Variants in BCL2L1 observed in about 807,000 individuals in gnomAD.
BCL2L1 encodes bcl-2-like protein 1.
In BCL2L1, 1 loss-of-function variant was observed where a neutral mutation model predicts 18.7. That is an observed-to-expected ratio of 0.05 (90% CI 0.02 to 0.25). The LOEUF (loss-of-function observed/expected upper bound fraction) is 0.25, where lower values mean the gene tolerates loss of function less well. Ranked by LOEUF, BCL2L1 falls within the 10% of genes least tolerant of loss-of-function variation. The pLI is 1.00. For synonymous variants in BCL2L1, 103 were observed against 122.7 expected, an observed-to-expected ratio of 0.84 and a Z score of 1.06; for missense variants, 207 against 304.9, an observed-to-expected ratio of 0.68 and a Z score of 2.39.
chr20:31,680,554 G>A (rs983269956), intron 2 of BCL2L1, among the ~76,000 whole-genome samples: 3 of 152,172 alleles, frequency 2.0e-5, no homozygotes, highest in Admixed American at 1.3e-4. Flanking sequence ...CGTAGCTTTG[G>A]TGAAGCTATT....
chr20:31,681,699 T>C (rs2060865705), intron 2 of BCL2L1, among the ~76,000 whole-genome samples: 2 of 152,224 alleles, frequency 1.3e-5, no homozygotes, highest in Non-Finnish European at 1.5e-5. Flanking sequence ...GAATTAGATG[T>C]GGACTGTGGG....
rs2061648857 is a variant in BCL2L1 at position 31,722,338 on chromosome 20, G to C, written c.-120C>G. ...CAAAGCCAAGATAAGATTCTGAAGG[G>C]AGAGAAAGAGCTTCAGGAAAAAAAA... is the stretch of plus-strand genomic sequence containing the variant. On this transcript the variant is annotated 5_prime_UTR_variant, in exon 2 of 3. Transcript: ENST00000307677. 1 of 720,240 alleles carries C rather than the reference G, an allele frequency of 1.4e-6. No individual in the cohort carries two copies. Among genetic ancestry groups the C allele is most frequent in the Admixed American group, 3.6e-5 (1 of 28,122 alleles). 44.6% of individuals were successfully genotyped at this position (720,240 alleles called of 1,614,324 possible). A position where few individuals can be genotyped will look rare whatever the true frequency, so the allele number is the denominator to read the frequency against.
chr20:31,676,501 T>A (rs1203467904), intron 2 of BCL2L1, among the ~76,000 whole-genome samples: 1 of 152,148 alleles, frequency 6.6e-6, no homozygotes, highest in African/African-American at 2.4e-5. Flanking sequence ...GGGATTCCGA[T>A]GCCTCCCGTC....
chr20:31,667,792 C>A (rs1000962192), intron 2 of BCL2L1, among the ~76,000 whole-genome samples: 1 of 152,138 alleles, frequency 6.6e-6, no homozygotes, highest in African/African-American at 2.4e-5. Context: ...CTTAGAAGGG[C>A]AGCATCATTT....
At chr20:31,684,387 G>A (rs1249811889) in intron 2 of BCL2L1, among the ~76,000 whole-genome samples, 1 of 152,164 alleles carries the variant, frequency 6.6e-6, no homozygotes, top group Admixed American at 6.5e-5. Context: ...GGTCCACAGA[G>A]ACCAGAGAGC....
At chr20:31,703,969 T>G (rs1348134821) in intron 2 of BCL2L1, among the ~76,000 whole-genome samples, 1 of 150,978 alleles carries the variant, frequency 6.6e-6, no homozygotes, top group Non-Finnish European at 1.5e-5. Context: ...GGCTAATTTT[T>G]GTAATTTTAG....
intron 2 of BCL2L1, among the ~76,000 whole-genome samples, chr20:31,697,352 T>C (rs1474811133): frequency 1.3e-5 from 2 of 152,072 alleles, no homozygotes; most frequent in Non-Finnish European, 2.9e-5. Context: ...ACATGAATGT[T>C]GGCTGGAAGG....
intron 2 of BCL2L1, among the ~76,000 whole-genome samples, chr20:31,682,225 C>T (rs1278034367): frequency 3.3e-5 from 5 of 152,198 alleles, no homozygotes; most frequent in African/African-American, 1.2e-4. Context: ...TCCAAATTAA[C>T]AGGAGGTAGG....
chr20:31,711,802 C>T (rs568988777), intron 2 of BCL2L1, among the ~76,000 whole-genome samples: 12 of 152,216 alleles, frequency 7.9e-5, no homozygotes, highest in Non-Finnish European at 1.6e-4. Flanking sequence ...TCTCCTACTT[C>T]ACTGGGAAAT....
intron 2 of BCL2L1, among the ~76,000 whole-genome samples, chr20:31,689,973 G>A (rs756916863): frequency 3.3e-5 from 5 of 152,226 alleles, no homozygotes; most frequent in African/African-American, 9.6e-5. Flanking sequence ...GCTGGAGATC[G>A]CGCTATTGCA....
In BCL2L1 at chr20:31,721,633, A is replaced by C. The variant is rs367712340; in HGVS notation, c.564+22T>G. 16 of 1,566,020 alleles carry C rather than the reference A, an allele frequency of 1.0e-5. No homozygotes were observed. The African/African-American group carries it at 2.1e-4, about 20-fold the overall frequency. On this transcript the variant is annotated intron_variant, in intron 2 of 2. Coordinates refer to ENST00000307677, the MANE Select transcript of BCL2L1 (RefSeq NM_138578.3). ...TGACCAGAGGCCAAAGAAAAGGGAC[A>C]CACAAGGGGCTTGGTTCTTACCCAG...
chr20:31,674,191 G>T (rs536310699), intron 2 of BCL2L1, among the ~76,000 whole-genome samples: 1 of 152,118 alleles, frequency 6.6e-6, no homozygotes, highest in Non-Finnish European at 1.5e-5. Flanking sequence ...CAGAAAACCT[G>T]ACTTCCTTAG....
intron 2 of BCL2L1, among the ~76,000 whole-genome samples, chr20:31,714,062 G>T (rs2061490819): frequency 6.6e-6 from 1 of 152,206 alleles, no homozygotes; most frequent in Non-Finnish European, 1.5e-5. Context: ...GCACTATTGT[G>T]GGCTCAGTGA....
intron 2 of BCL2L1, among the ~76,000 whole-genome samples, chr20:31,691,887 T>C (rs1289353028): frequency 2.6e-5 from 4 of 152,194 alleles, no homozygotes; most frequent in African/African-American, 9.7e-5. Context: ...AAAATTTAAG[T>C]CTGACCATAT....
At chr20:31,691,703 A>G (rs1249628915) in intron 2 of BCL2L1, among the ~76,000 whole-genome samples, 1 of 152,192 alleles carries the variant, frequency 6.6e-6, no homozygotes, top group African/African-American at 2.4e-5. Flanking sequence ...TTAAAAGCCT[A>G]CAAACCCATA....
At chr20:31,667,488 T>TGTGTGTGTGTGTGTGTGC (rs1250614113) in intron 2 of BCL2L1, among the ~76,000 whole-genome samples, 2 of 148,328 alleles carry the variant, frequency 1.3e-5, no homozygotes, top group Non-Finnish European at 3.0e-5. Flanking sequence ...TAGTACCGTG[T>TGTGTGTGTGTGTGTGTGC]GTGTGTGTGT....
chr20:31,709,977 C>T (rs1455706654), intron 2 of BCL2L1, among the ~76,000 whole-genome samples: 3 of 152,104 alleles, frequency 2.0e-5, no homozygotes, highest in South Asian at 2.1e-4. Context: ...TGAGCCACCA[C>T]GCCCAGCCAC....
intron 2 of BCL2L1, among the ~76,000 whole-genome samples, chr20:31,692,436 G>C (rs2061089601): frequency 6.6e-6 from 1 of 152,200 alleles, no homozygotes; most frequent in Non-Finnish European, 1.5e-5. Flanking sequence ...AATGAAAAAA[G>C]GAAACTGCAG....
In BCL2L1 at chr20:31,722,202, C is replaced by A. The variant is rs148274815; in HGVS notation, c.17G>T (p.Arg6Leu). The change falls in exon 2 of 3, where the codon CGG (arginine) becomes CTG (leucine). Residue 6 changes from arginine (R) to leucine (L), a missense_variant. Physicochemically the swap from Arg to Leu is moderately radical, Grantham distance 102. Coordinates refer to ENST00000307677, the MANE Select transcript of BCL2L1 (RefSeq NM_138578.3). Reference protein sequence around the residue: MSQSNRELVVDFLSYK... With the variant: MSQSNLELVVDFLSYK... ...GGAGAGAAAGTCAACCACCAGCTCC[C>A]GGTTGCTCTGAGACATTTTTATAAT... 5 of 1,496,526 alleles carry A rather than the reference C, an allele frequency of 3.3e-6. No individual in the cohort carries two copies. Among genetic ancestry groups the A allele is most frequent in the South Asian group, 1.3e-5 (1 of 74,122 alleles). 92.7% of individuals were successfully genotyped at this position (1,496,526 alleles called of 1,614,324 possible).
Sources: allele counts gnomAD v4.1 joint callset (sites outside exome capture counted in the v4.1 genomes callset), GRCh38; gene constraint gnomAD v4.1.1; transcripts MANE v1.5; gene names NCBI Gene and HGNC (gene_info 2026-07-23, HGNC 2026-07-21).